Variants in TECPR2 observed in about 807,000 individuals in gnomAD.
TECPR2 encodes tectonin beta-propeller repeat containing 2.
Under a neutral mutation model 138.1 loss-of-function variants are expected in TECPR2, and 65 were observed. The observed-to-expected ratio is 0.47, with a 90% CI of 0.39 to 0.58. The LOEUF (loss-of-function observed/expected upper bound fraction) is 0.58. Ranked by LOEUF, TECPR2 falls within the 20% of genes least tolerant of loss-of-function variation. The pLI is 0.00. For synonymous variants in TECPR2, 746 were observed against 749.8 expected (o/e 0.99, Z 0.08); for missense variants, 1,553 against 1,824.5 (o/e 0.85, Z 2.71).
chr14:102,408,803 G>A (rs1033116413), intron 4 of TECPR2, among the ~76,000 whole-genome samples, 184 bp downstream of exon 4: 6 of 152,138 alleles, frequency 3.9e-5, no homozygotes, highest in African/African-American at 1.4e-4. Flanking sequence ...TATGACTAAG[G>A]AGTTGGCCTA....
Position 102,498,636 on chromosome 14 carries a change from G to A in TECPR2, c.*379G>A, listed in dbSNP as rs1330853389. ...TAGCCGGGCAGCTGGTTTGGCCCAG[G>A]GCCTCCTTCCACATTAGTAGCCCCA... is the stretch of plus-strand genomic sequence containing the variant. On this transcript the variant is annotated 3_prime_UTR_variant, in exon 20 of 20. Coordinates refer to ENST00000359520, the MANE Select transcript of TECPR2 (RefSeq NM_014844.5). 2 of 405,062 alleles carry A rather than the reference G, an allele frequency of 4.9e-6. No homozygotes were observed. Among genetic ancestry groups the A allele is most frequent in the Non-Finnish European group, 9.4e-6 (2 of 212,910 alleles). 25.1% of individuals were successfully genotyped at this position (405,062 alleles called of 1,614,324 possible).
chr14:102,451,829 A>G (rs1014966553), intron 15 of TECPR2, among the ~76,000 whole-genome samples: 4 of 152,144 alleles, frequency 2.6e-5, no homozygotes, highest in African/African-American at 9.7e-5. Flanking sequence ...TGCTGTAGGG[A>G]ATGAAAGGAC....
Position 102,498,560 on chromosome 14 carries a change from T to C in TECPR2, c.*303T>C, listed in dbSNP as rs1202073507. On this transcript the variant is annotated 3_prime_UTR_variant, in exon 20 of 20. Transcript: ENST00000359520. Reference sequence around the variant, plus strand: ...CGTCCTGGTCTCATCCACAGATAGCTCCAGCTTTTGTTGGTGGGAGTGGTC... The same window carrying C: ...CGTCCTGGTCTCATCCACAGATAGCCCCAGCTTTTGTTGGTGGGAGTGGTC... 6.3e-6 allele frequency: 3 copies of C among 473,668 alleles called. No individual in the cohort carries two copies. The highest frequency in any genetic ancestry group is 1.2e-5 in the Non-Finnish European group (3 of 257,514). 29.3% of individuals were successfully genotyped at this position (473,668 alleles called of 1,614,324 possible).
In TECPR2 at chr14:102,500,452, G is replaced by C. The variant is rs1319729022; in HGVS notation, c.*2195G>C. On this transcript the variant is annotated 3_prime_UTR_variant, in exon 20 of 20. Coordinates refer to ENST00000359520, the MANE Select transcript of TECPR2 (RefSeq NM_014844.5). ...TGCCTCCTCATGGAGCTGTGTGTGAGCAGGCGTTGGAGGGGTTCGAGCCCC... is the reference window on the plus strand; with the variant it reads ...TGCCTCCTCATGGAGCTGTGTGTGACCAGGCGTTGGAGGGGTTCGAGCCCC... 6.6e-6 allele frequency: 1 copy of C among 152,312 alleles called. No homozygotes were observed. Among genetic ancestry groups the C allele is most frequent in the African/African-American group, 2.4e-5 (1 of 41,458 alleles). The allele number at this position is 152,312 out of a possible 1,614,324, so 9.4% of individuals were successfully genotyped here.
chr14:102,437,019 T>C, intron 9 of TECPR2: 1 of 985,408 alleles, frequency 1.0e-6, no homozygotes, highest in East Asian at 1.1e-4. Context: ...CCCTTCCTCA[T>C]CCCACTCCAG....
chr14:102,400,400 A>G (rs1254886879), intron 2 of TECPR2, among the ~76,000 whole-genome samples: 1 of 152,202 alleles, frequency 6.6e-6, no homozygotes, highest in African/African-American at 2.4e-5. Context: ...TAATTTCTAA[A>G]GCATTTAAAA....
chr14:102,402,260 A>T (rs1246368118), intron 2 of TECPR2, among the ~76,000 whole-genome samples: 1 of 152,210 alleles, frequency 6.6e-6, no homozygotes, highest in East Asian at 1.9e-4. Context: ...TGGAGAATCC[A>T]CAAATTTGTG....
intron 17 of TECPR2, among the ~76,000 whole-genome samples, chr14:102,481,815 G>A (rs1285216523): frequency 6.6e-6 from 1 of 152,118 alleles, no homozygotes; most frequent in Admixed American, 6.6e-5. Flanking sequence ...ACTCTCTGCG[G>A]GAAGAGAAGC....
At chr14:102,363,846 G>T (rs1464071393) in intron 1 of TECPR2, among the ~76,000 whole-genome samples, 4 of 152,204 alleles carry the variant, frequency 2.6e-5, no homozygotes, top group Non-Finnish European at 5.9e-5. Flanking sequence ...TAAGCACGGT[G>T]CCTGCCGCTG....
chr14:102,493,266 G>T (rs1449396623), intron 17 of TECPR2, among the ~76,000 whole-genome samples: 1 of 152,236 alleles, frequency 6.6e-6, no homozygotes, highest in African/African-American at 2.4e-5. Flanking sequence ...CACCACGTCG[G>T]GGCCCTGGCC....
rs1323943007 is a variant in TECPR2 at position 102,363,037 on chromosome 14, G to A, written c.-152G>A. On this transcript the variant is annotated 5_prime_UTR_variant, in exon 1 of 20. Coordinates refer to ENST00000359520, the MANE Select transcript of TECPR2 (RefSeq NM_014844.5). ...CCCGTTGCCCAGGGAACAGGCTCCC[G>A]GCAGCCCCCGCGGCCCGGAGTCCAT... The A allele has an allele frequency of 4.4e-6, 3 of 689,618 alleles. No individual in the cohort carries two copies. Among genetic ancestry groups the A allele is most frequent in the African/African-American group, 3.7e-5 (2 of 53,392 alleles). 42.7% of individuals were successfully genotyped at this position (689,618 alleles called of 1,614,324 possible).
chr14:102,437,164 G>A, intron 9 of TECPR2: 1 of 985,450 alleles, frequency 1.0e-6, no homozygotes, highest in Non-Finnish European at 1.2e-6. Flanking sequence ...TAACTTCTAT[G>A]TGGGTATCTG....
intron 17 of TECPR2, among the ~76,000 whole-genome samples, chr14:102,491,591 C>T (rs1420417647): frequency 1.3e-5 from 2 of 152,222 alleles, no homozygotes; most frequent in African/African-American, 2.4e-5. Context: ...CAGCCTGAAG[C>T]CTGCCATCAG....
chr14:102,364,155 T>TAC (rs1160431874), intron 1 of TECPR2, among the ~76,000 whole-genome samples: 1 of 152,236 alleles, frequency 6.6e-6, no homozygotes, highest in African/African-American at 2.4e-5. Flanking sequence ...CAAGGTCTTG[T>TAC]AGACAGAGTT....
intron 17 of TECPR2, among the ~76,000 whole-genome samples, chr14:102,489,032 G>A (rs946322365): frequency 3.3e-5 from 5 of 151,550 alleles, no homozygotes; most frequent in East Asian, 2.0e-4. Flanking sequence ...ACAGGCATGC[G>A]CCACCATGCC....
chr14:102,405,318 C>G (rs762152468), intron 2 of TECPR2, among the ~76,000 whole-genome samples: 7 of 151,868 alleles, frequency 4.6e-5, no homozygotes, highest in South Asian at 4.2e-4. Context: ...CAAAAAGAAA[C>G]AAACAGACAA....
chr14:102,424,793 G>C (rs3818318), intron 5 of TECPR2, among the ~76,000 whole-genome samples, 186 bp from the exon 6 acceptor site: 2 of 152,272 alleles, frequency 1.3e-5, no homozygotes, highest in African/African-American at 4.8e-5. Flanking sequence ...GGGTGTGGTC[G>C]GGCCTCTGTT....
chr14:102,390,301 G>A (rs1170951610), intron 2 of TECPR2, among the ~76,000 whole-genome samples: 1 of 152,082 alleles, frequency 6.6e-6, no homozygotes, highest in Non-Finnish European at 1.5e-5. Context: ...CAAATCAAAA[G>A]CCTTTTTTTT....
At chr14:102,482,070 G>A in intron 17 of TECPR2, among the ~76,000 whole-genome samples, 1 of 150,042 alleles carries the variant, frequency 6.7e-6, no homozygotes, top group South Asian at 2.1e-4. Flanking sequence ...TTTTTTTTGA[G>A]ACAGAGCCTT....
Sources: allele counts gnomAD v4.1 joint callset (sites outside exome capture counted in the v4.1 genomes callset), GRCh38; gene constraint gnomAD v4.1.1; transcripts MANE v1.5; gene names NCBI Gene and HGNC (gene_info 2026-07-23, HGNC 2026-07-21).